Variants in PTPRD observed in about 807,000 individuals in gnomAD.
PTPRD encodes receptor-type tyrosine-protein phosphatase delta.
Under a neutral mutation model 214.5 loss-of-function variants are expected in PTPRD, and 34 were observed. The observed-to-expected ratio is 0.16, with a 90% CI of 0.12 to 0.21. PTPRD has a LOEUF of 0.21. PTPRD is among the 10% of genes least tolerant of loss of function. The probability of loss-of-function intolerance (pLI) is 1.00; values close to 1 mark genes in which losing one functional copy is unlikely to be tolerated. For missense variants in PTPRD, 2,545 were observed against 2,398.7 expected, an observed-to-expected ratio of 1.06 and a Z score of -1.27; for synonymous variants, 1,128 against 845.7, an observed-to-expected ratio of 1.33 and a Z score of -5.79.
At chr9:8,807,166 G>A (rs947325839) in intron 11 of PTPRD, among the ~76,000 whole-genome samples, 1 of 152,102 alleles carries the variant, frequency 6.6e-6, no homozygotes, top group African/African-American at 2.4e-5. Context: ...GTGAAACCCC[G>A]TTTCTAATAA....
chr9:10,591,917 CA>C (rs1160170331), intron 2 of PTPRD, among the ~76,000 whole-genome samples: 1 of 152,102 alleles, frequency 6.6e-6, no homozygotes, highest in Non-Finnish European at 1.5e-5. Context: ...GACGTGGCTA[CA>C]GACCCTAACT....
intron 11 of PTPRD, among the ~76,000 whole-genome samples, chr9:8,802,744 A>G (rs535557794): frequency 2.0e-5 from 3 of 152,286 alleles, no homozygotes; most frequent in East Asian, 1.9e-4. Flanking sequence ...AATTCTTCCA[A>G]TTGCCTCATC....
chr9:8,990,987 G>T (rs989049498), intron 11 of PTPRD, among the ~76,000 whole-genome samples: 8 of 151,934 alleles, frequency 5.3e-5, no homozygotes, highest in African/African-American at 1.9e-4. Context: ...GGTCAAGGCG[G>T]GAGGACCACT....
chr9:9,737,637 T>A (rs2098323934), intron 6 of PTPRD, among the ~76,000 whole-genome samples: 1 of 152,190 alleles, frequency 6.6e-6, no homozygotes, highest in Non-Finnish European at 1.5e-5. Flanking sequence ...AAAATATTTT[T>A]AAAGTCCATT....
intron 35 of PTPRD, among the ~76,000 whole-genome samples, chr9:8,421,370 T>TTCTCTTCTCTTCTCTTCTCTTCTC (rs141962478): frequency 2.7e-5 from 4 of 146,756 alleles, no homozygotes; most frequent in East Asian, 2.0e-4. Flanking sequence ...TTCTCTTCTC[T>TTCTCTTCTCTTCTCTTCTCTTCTC]TCTCTCTCTC....
At chr9:9,442,182 C>T (rs893693931) in intron 8 of PTPRD, 2 of 152,156 alleles carry the variant, frequency 1.3e-5, no homozygotes, top group African/African-American at 2.4e-5. Context: ...GCACTAAGTT[C>T]GGCATCAATA....
chr9:9,287,531 T>C (rs1390496651), intron 9 of PTPRD, among the ~76,000 whole-genome samples: 1 of 151,886 alleles, frequency 6.6e-6, no homozygotes, highest in Admixed American at 6.6e-5. Context: ...CGTTATCATT[T>C]ACGGCAGAAT....
At chr9:9,708,331 G>A (rs2097664698) in intron 7 of PTPRD, among the ~76,000 whole-genome samples, 1 of 151,992 alleles carries the variant, frequency 6.6e-6, no homozygotes, top group East Asian at 1.9e-4. Flanking sequence ...TACTTTTGCT[G>A]GAGAGATCAT....
At chr9:10,110,917 G>C (rs1400675903) in intron 3 of PTPRD, among the ~76,000 whole-genome samples, 1 of 152,148 alleles carries the variant, frequency 6.6e-6, no homozygotes, top group African/African-American at 2.4e-5. Context: ...TTTTTTTAAA[G>C]AGACCCTCAT....
intron 33 of PTPRD, among the ~76,000 whole-genome samples, chr9:8,450,416 C>A (rs2095891066): frequency 6.6e-6 from 1 of 151,916 alleles, no homozygotes; most frequent in South Asian, 2.1e-4. Flanking sequence ...AAACAGAACT[C>A]CCCTTTCTCT....
At chr9:8,714,588 C>T (rs745991499) in intron 12 of PTPRD, among the ~76,000 whole-genome samples, 8 of 152,172 alleles carry the variant, frequency 5.3e-5, no homozygotes, top group Non-Finnish European at 1.2e-4. Context: ...ATTCCCCTTG[C>T]TATTCCTAGA....
chr9:8,773,609 A>G (rs770853074), intron 11 of PTPRD, among the ~76,000 whole-genome samples: 1 of 152,170 alleles, frequency 6.6e-6, no homozygotes, highest in Non-Finnish European at 1.5e-5. Context: ...TCTTTTCACA[A>G]CAAAAATCTG....
intron 5 of PTPRD, among the ~76,000 whole-genome samples, chr9:9,903,079 C>T (rs1194353827): frequency 1.3e-5 from 2 of 152,010 alleles, no homozygotes; most frequent in African/African-American, 2.4e-5. Context: ...GAGCTAAAGA[C>T]ATATATTCTT....
intron 8 of PTPRD, among the ~76,000 whole-genome samples, chr9:9,402,287 G>C (rs1424455410): frequency 6.6e-6 from 1 of 152,102 alleles, no homozygotes; most frequent in Non-Finnish European, 1.5e-5. Flanking sequence ...ATATTTGGAT[G>C]TTCCCTGCAA....
intron 2 of PTPRD, among the ~76,000 whole-genome samples, chr9:10,454,827 A>G (rs73390342): frequency 0.022 from 3,323 of 151,736 alleles, 100 homozygotes; most frequent in African/African-American, 0.068. Flanking sequence ...ACACACACAC[A>G]CATGCACATG....
At chr9:9,087,878 CTTT>C (rs59824704) in intron 10 of PTPRD, among the ~76,000 whole-genome samples, 3 of 68,642 alleles carry the variant, frequency 4.4e-5, no homozygotes, top group African/African-American at 1.2e-4. Flanking sequence ...GCCCTAAACT[CTTT>C]TTTTTTTTTT....
chr9:9,319,841 CA>C (rs1440242024), intron 9 of PTPRD, among the ~76,000 whole-genome samples: 4 of 152,220 alleles, frequency 2.6e-5, no homozygotes, highest in African/African-American at 7.2e-5. Context: ...GAATAATTTA[CA>C]ATTTAATTTA....
chr9:10,048,420 G>T (rs928636170), intron 3 of PTPRD, among the ~76,000 whole-genome samples: 3 of 152,004 alleles, frequency 2.0e-5, no homozygotes, highest in Non-Finnish European at 4.4e-5. Flanking sequence ...CTGGGTACTG[G>T]CTTCTTATAT....
rs533619970 is a variant in PTPRD at position 9,088,581 on chromosome 9, GAAAAAAAAA to G, written c.-142-69855_-142-69847del. 0.014 allele frequency among the ~76,000 whole-genome samples: 455 copies of G among 33,026 alleles called. 13 individuals are homozygous for G. In the Admixed American group the frequency reaches 0.15, roughly 11 times the overall value. The allele number at this position is 33,026 out of a possible 152,430, so 21.7% of individuals were successfully genotyped here. A position where few individuals can be genotyped will look rare whatever the true frequency, so the allele number is the denominator to read the frequency against. On this transcript the variant is annotated intron_variant, in intron 10 of 45. Transcript: ENST00000381196. Reference sequence around the variant, plus strand: ...GGCGACAGAGTGAGACTTAGTCTCAGAAAAAAAAAAAAAAAAAAAAAAAAAAAAGAAGTC... The same window carrying G: ...GGCGACAGAGTGAGACTTAGTCTCAGAAAAAAAAAAAAAAAAAAAGAAGTC...
Sources: gnomAD v4.1 joint callset for allele counts (sites outside exome capture counted in the v4.1 genomes callset) on GRCh38, gnomAD v4.1.1 for gene constraint, MANE v1.5 for transcripts, NCBI Gene and HGNC (gene_info 2026-07-23, HGNC 2026-07-21) for gene names.